NRXN3: variants seen among roughly 807,000 people sequenced by gnomAD.
The protein encoded by NRXN3 is neurexin III.
A neutral mutation model predicts 137.6 loss-of-function variants in NRXN3; 32 were observed. That is an observed-to-expected ratio of 0.23 (90% CI 0.18 to 0.31). The LOEUF (loss-of-function observed/expected upper bound fraction) is 0.31. NRXN3 is among the 10% of genes least tolerant of loss of function. NRXN3 has a pLI of 1.00. For missense variants in NRXN3, 1,574 were observed against 2,062.5 expected (o/e 0.76, Z 4.59); for synonymous variants, 798 against 784.5 (o/e 1.02, Z -0.29).
intron 4 of NRXN3, among the ~76,000 whole-genome samples, chr14:78,507,206 A>G (rs374743898): frequency 2.0e-5 from 3 of 152,134 alleles, no homozygotes; most frequent in African/African-American, 7.2e-5. Context: ...GAAGTCCTCA[A>G]AACGAATCCA....
At chr14:78,967,148 T>A in intron 12 of NRXN3, 60 bp from the exon 13 acceptor site, 1 of 1,453,292 alleles carries the variant, frequency 6.9e-7, no homozygotes, top group Non-Finnish European at 9.4e-7. Context: ...TACACACATA[T>A]AGCCATTAAA....
At chr14:78,274,911 C>G (rs1486606345) in intron 2 of NRXN3, among the ~76,000 whole-genome samples, 1 of 152,170 alleles carries the variant, frequency 6.6e-6, no homozygotes, top group Non-Finnish European at 1.5e-5. Context: ...CTGTTACCTA[C>G]TGAGGACGTG....
intron 4 of NRXN3, among the ~76,000 whole-genome samples, chr14:78,471,335 C>T (rs960347217): frequency 3.8e-4 from 2 of 5,318 alleles, no homozygotes; most frequent in African/African-American, 1.2e-3. Context: ...CACACACACC[C>T]CCAAGAAATT....
intron 15 of NRXN3, among the ~76,000 whole-genome samples, chr14:79,223,127 C>G (rs1304297344): frequency 6.6e-6 from 1 of 152,112 alleles, no homozygotes; most frequent in Non-Finnish European, 1.5e-5. Flanking sequence ...CTGACTTCCT[C>G]TTTCACAATA....
Position 79,148,929 on chromosome 14 carries a change from C to T in NRXN3, c.3262+160788C>T, listed in dbSNP as rs142143251. 2.4e-3 allele frequency among the ~76,000 whole-genome samples: 370 copies of T among 152,076 alleles called. 1 individual carries two copies. The highest frequency in any genetic ancestry group is 8.5e-3 in the African/African-American group (351 of 41,510). On this transcript the variant is annotated intron_variant, in intron 15 of 20. Transcript: ENST00000335750. ...TTTGTTTATTTTTGCCCTTAAAGTC[C>T]ACCATATCCAAATGAGAAGTACAGA... is the stretch of plus-strand genomic sequence containing the variant.
chr14:79,823,679 AC>A (rs1568368912), intron 20 of NRXN3, among the ~76,000 whole-genome samples: 1 of 152,226 alleles, frequency 6.6e-6, no homozygotes, highest in Non-Finnish European at 1.5e-5. Context: ...AGAAGAGTAT[AC>A]TAGGAGACCA....
intron 4 of NRXN3, among the ~76,000 whole-genome samples, chr14:78,515,823 A>G (rs2096197277): frequency 6.6e-6 from 1 of 152,284 alleles, no homozygotes. Context: ...GAAAAGCAGC[A>G]TGATATAGAT....
At chr14:78,225,955 GTGTGTGTGTGTGTGTGTTGGTGTGT>G (rs1567012648) in intron 1 of NRXN3, among the ~76,000 whole-genome samples, 24 of 130,798 alleles carry the variant, frequency 1.8e-4, no homozygotes, top group African/African-American at 5.5e-4. Flanking sequence ...TTTTTTTGGT[GTGTGTGTGTGTGTGTGTTGGTGTGT>G]GTGTGTGTGT....
chr14:78,500,840 C>A (rs548365142), intron 4 of NRXN3, among the ~76,000 whole-genome samples: 74 of 152,140 alleles, frequency 4.9e-4, no homozygotes, highest in Non-Finnish European at 6.9e-4. Flanking sequence ...TATGATCCAG[C>A]TACTGTGCTA....
At chr14:79,259,709 TACACAC>T (rs71131688) in intron 15 of NRXN3, among the ~76,000 whole-genome samples, 2,547 of 139,644 alleles carry the variant, frequency 0.018, 25 homozygotes, top group Middle Eastern at 0.034. Flanking sequence ...TATAGTTTTA[TACACAC>T]ACACACACAC....
intron 15 of NRXN3, among the ~76,000 whole-genome samples, chr14:79,231,568 C>A (rs1480421088): frequency 6.6e-6 from 1 of 152,142 alleles, no homozygotes; most frequent in African/African-American, 2.4e-5. Flanking sequence ...TAATTTGTTT[C>A]TCCAGGCATA....
intron 8 of NRXN3, among the ~76,000 whole-genome samples, chr14:78,736,005 A>T (rs2098539598): frequency 6.6e-6 from 1 of 152,130 alleles, no homozygotes; most frequent in South Asian, 2.1e-4. Flanking sequence ...GAGAATTCTC[A>T]TGACATTCTC....
chr14:79,115,465 A>C (rs1300142484), intron 15 of NRXN3, among the ~76,000 whole-genome samples: 4 of 152,238 alleles, frequency 2.6e-5, no homozygotes, highest in African/African-American at 9.6e-5. Context: ...AAAATGGTAC[A>C]AGATGATTCT....
intron 4 of NRXN3, among the ~76,000 whole-genome samples, chr14:78,437,289 A>G (rs552360608): frequency 2.0e-5 from 3 of 152,162 alleles, no homozygotes; most frequent in Non-Finnish European, 2.9e-5. Flanking sequence ...GCCTGATTTC[A>G]AAGTTCAGGT....
chr14:79,843,400 G>A (rs558606372), intron 20 of NRXN3, among the ~76,000 whole-genome samples: 9 of 152,316 alleles, frequency 5.9e-5, no homozygotes, highest in African/African-American at 1.7e-4. Flanking sequence ...AGAGGGTCCC[G>A]TCTTGATGTT....
At chr14:78,570,661 G>A (rs745992540) in intron 4 of NRXN3, among the ~76,000 whole-genome samples, 4 of 152,190 alleles carry the variant, frequency 2.6e-5, no homozygotes, top group Non-Finnish European at 5.9e-5. Flanking sequence ...TCTCAGTCTG[G>A]TCAAGGGCTA....
intron 4 of NRXN3, among the ~76,000 whole-genome samples, chr14:78,594,492 G>A (rs1425076155): frequency 6.6e-6 from 1 of 152,192 alleles, no homozygotes; most frequent in Non-Finnish European, 1.5e-5. Flanking sequence ...CACTTACCCA[G>A]GTCATGGTGA....
chr14:79,758,317 G>A (rs1027729732), intron 19 of NRXN3, among the ~76,000 whole-genome samples: 7 of 152,174 alleles, frequency 4.6e-5, no homozygotes, highest in African/African-American at 1.7e-4. Flanking sequence ...CATGGCACCA[G>A]CATCTCCTTC....
At chr14:78,908,291 T>C (rs561249262) in intron 10 of NRXN3, among the ~76,000 whole-genome samples, 1 of 152,204 alleles carries the variant, frequency 6.6e-6, no homozygotes, top group South Asian at 2.1e-4. Flanking sequence ...ATTTATTTAG[T>C]CCAATGTTTC....
Sources: gnomAD v4.1 joint callset for allele counts (sites outside exome capture counted in the v4.1 genomes callset) on GRCh38, gnomAD v4.1.1 for gene constraint, MANE v1.5 for transcripts, NCBI Gene and HGNC (gene_info 2026-07-23, HGNC 2026-07-21) for gene names.